The following COL5A2 variants were observed in gnomAD, a reference collection of about 807,000 sequenced individuals.
The protein encoded by COL5A2 is collagen alpha-2(V) chain.
In COL5A2, 23 loss-of-function variants were observed where a neutral mutation model predicts 208.2. That is an observed-to-expected ratio of 0.11 (90% CI 0.08 to 0.16). The LOEUF is 0.16. COL5A2 is among the 10% of genes least tolerant of loss of function. COL5A2 has a pLI of 1.00. For synonymous variants in COL5A2, 625 were observed against 628.5 expected (o/e 0.99, Z 0.08); for missense variants, 1,590 against 1,956.4 (o/e 0.81, Z 3.53).
rs776264833 is a variant in COL5A2, at chr2:189,033,859, A to T, written c.*211T>A. 32 of 645,026 alleles carry T rather than the reference A, an allele frequency of 5.0e-5. No individual in the cohort carries two copies. Among genetic ancestry groups the T allele is most frequent in the Non-Finnish European group, 8.0e-5 (30 of 377,240 alleles). 40.0% of individuals were successfully genotyped at this position (645,026 alleles called of 1,614,324 possible). On this transcript the variant is annotated 3_prime_UTR_variant, in exon 54 of 54. Coordinates refer to ENST00000374866, the MANE Select transcript of COL5A2 (RefSeq NM_000393.5). The stretch of plus-strand genomic sequence containing the variant: ...TAAACCTAAACTGTTGTATTGAAAA[A>T]TATTTAAAATCAATTAAAACTTGAG...
intron 1 of COL5A2, among the ~76,000 whole-genome samples, chr2:189,153,167 T>C (rs140859058): frequency 7.1e-4 from 108 of 152,280 alleles, no homozygotes; most frequent in African/African-American, 2.5e-3. Flanking sequence ...TCTGCCAACA[T>C]TACATGCAAT....
rs756550702 is a variant in COL5A2, at chr2:189,034,168, T to C, written c.4402A>G (p.Asn1468Asp). The change falls in exon 54 of 54, where the codon AAT becomes GAT. Residue 1468 changes from asparagine (N) to aspartate (D), a missense_variant. By Grantham distance (23) the Asn-to-Asp change is conservative (BLOSUM62 1). Coordinates refer to ENST00000374866, the MANE Select transcript of COL5A2 (RefSeq NM_000393.5). ...TCTATGATGGGCAAGCGTGCCACAT[T>C]CTGTGTTCTATATTCAAAGACAGTC... ...GKTVFEYRTQNVARLPIIDLA... is the reference protein window; with the variant it reads ...GKTVFEYRTQDVARLPIIDLA... 11 of 1,613,906 alleles carry C rather than the reference T, an allele frequency of 6.8e-6. No homozygotes were observed. The African/African-American group carries it at 1.5e-4, about 22-fold the overall frequency.
At chr2:189,410,025 C>A in the COL5A2 span, among the ~76,000 whole-genome samples, 2 of 152,100 alleles carry the variant, frequency 1.3e-5, no homozygotes, top group South Asian at 4.1e-4. Flanking sequence ...ACATGAAATA[C>A]TTCGAGTCAC....
intron 1 of COL5A2, among the ~76,000 whole-genome samples, chr2:189,125,644 T>C (rs1687593131): frequency 6.6e-6 from 1 of 152,142 alleles, no homozygotes; most frequent in African/African-American, 2.4e-5. Flanking sequence ...ACATCTTCCT[T>C]TTTCTAGCTT....
chr2:189,168,962 A>T (rs1688522436), intron 1 of COL5A2, among the ~76,000 whole-genome samples: 1 of 152,194 alleles, frequency 6.6e-6, no homozygotes, highest in Non-Finnish European at 1.5e-5. Context: ...TTCTGGAGTC[A>T]ATTTCATAAA....
upstream of COL5A2, among the ~76,000 whole-genome samples, chr2:189,226,242 T>C (rs761138404): frequency 7.2e-5 from 11 of 152,116 alleles, no homozygotes; most frequent in Non-Finnish European, 1.3e-4. Flanking sequence ...CAAAAGCATA[T>C]GTAAATAGCA....
At chr2:189,309,954 G>T in the COL5A2 span, among the ~76,000 whole-genome samples, 1 of 152,164 alleles carries the variant, frequency 6.6e-6, no homozygotes, top group African/African-American at 2.4e-5. Context: ...TTGATGCAAG[G>T]TGACTGGAAA....
chr2:189,104,724 C>T (rs1329050841), intron 2 of COL5A2, among the ~76,000 whole-genome samples: 1 of 151,684 alleles, frequency 6.6e-6, no homozygotes, highest in African/African-American at 2.4e-5. Context: ...CCACTTTACC[C>T]CCACCCCCAC....
chr2:189,062,869 G>A lies in COL5A2; in HGVS notation c.1973C>T (p.Pro658Leu), dbSNP rs746458284. The A allele has an allele frequency of 6.2e-6, 10 of 1,613,840 alleles. No homozygotes were observed. The South Asian group carries it at 7.7e-5, about 12-fold the overall frequency. Residue 658 changes from proline to leucine, a missense_variant, in exon 29 of 54, where the codon CCG (proline) becomes CTG (leucine). Pro to Leu is a moderately conservative substitution (Grantham distance 98). Coordinates refer to ENST00000374866, the MANE Select transcript of COL5A2 (RefSeq NM_000393.5). ...ACACACACAAAAATCACATACCGGCGGGCCCACAGGACCAGAAGGACCAAC... is the reference window on the plus strand; with the variant it reads ...ACACACACAAAAATCACATACCGGCAGGCCCACAGGACCAGAAGGACCAAC... ...GEVGPSGPVG[P>L]PGLAGERGEQ...
In COL5A2 at chr2:189,033,262, A is replaced by T. The variant is rs758082070; in HGVS notation, c.*808T>A. The T allele has an allele frequency of 1.4e-3, 218 of 152,718 alleles. No homozygotes were observed. The highest frequency in any genetic ancestry group is 2.4e-3 in the Non-Finnish European group (161 of 67,998). The allele number at this position is 152,718 out of a possible 1,614,324, so 9.5% of individuals were successfully genotyped here. A position where few individuals can be genotyped will look rare whatever the true frequency, so the allele number is the denominator to read the frequency against. ...TGCATTCAATATCTTCTTAAATAAG[A>T]AAGTGTAAATGTATTAAATGGTATA... On this transcript the variant is annotated 3_prime_UTR_variant, in exon 54 of 54. Transcript: ENST00000374866.
At chr2:189,245,648 C>T in the COL5A2 span, among the ~76,000 whole-genome samples, 2 of 151,964 alleles carry the variant, frequency 1.3e-5, no homozygotes, top group African/African-American at 4.8e-5. Flanking sequence ...CCGTGCCTGG[C>T]TAATTTTTTT....
the COL5A2 span, among the ~76,000 whole-genome samples, chr2:189,382,615 C>A: frequency 5.3e-5 from 8 of 152,252 alleles, no homozygotes; most frequent in Non-Finnish European, 1.0e-4. Context: ...ATATAAGAGA[C>A]CACCTGAGCA....
chr2:189,362,555 C>T, the COL5A2 span, among the ~76,000 whole-genome samples: 1 of 152,044 alleles, frequency 6.6e-6, no homozygotes, highest in Non-Finnish European at 1.5e-5. Context: ...CAAAATGTTC[C>T]AATTGCACCC....
chr2:189,042,820 G>A, intron 48 of COL5A2, 47 bp from the exon 49 acceptor site: 1 of 1,541,314 alleles, frequency 6.5e-7, no homozygotes, highest in Non-Finnish European at 8.9e-7. Context: ...TTTGGATCCT[G>A]CATTGTGCCA....
chr2:189,204,351 T>C (rs1689117928), intron 1 of COL5A2, among the ~76,000 whole-genome samples: 1 of 152,240 alleles, frequency 6.6e-6, no homozygotes, highest in Non-Finnish European at 1.5e-5. Context: ...CCAAAGATGT[T>C]TGCTAATTGA....
At chr2:189,235,997 C>G in the COL5A2 span, among the ~76,000 whole-genome samples, 1 of 150,224 alleles carries the variant, frequency 6.7e-6, no homozygotes, top group Non-Finnish European at 1.5e-5. Context: ...TTGTCCATCC[C>G]CCAATAAAAA....
chr2:189,416,732 A>C, the COL5A2 span, among the ~76,000 whole-genome samples: 1 of 152,188 alleles, frequency 6.6e-6, no homozygotes, highest in African/African-American at 2.4e-5. Flanking sequence ...TTTTTTAAAA[A>C]AATCCTTTTA....
the COL5A2 span, among the ~76,000 whole-genome samples, chr2:189,299,373 C>T: frequency 6.6e-6 from 1 of 152,118 alleles, no homozygotes; most frequent in Admixed American, 6.6e-5. Flanking sequence ...GTCATATAGA[C>T]ATATCATCAG....
upstream of COL5A2, among the ~76,000 whole-genome samples, chr2:189,225,426 G>A (rs576731663): frequency 1.3e-5 from 2 of 152,222 alleles, no homozygotes; most frequent in South Asian, 4.1e-4. Flanking sequence ...CTTCAATATA[G>A]TGTTTAGTAT....
Sources: allele counts gnomAD v4.1 joint callset (sites outside exome capture counted in the v4.1 genomes callset), GRCh38; gene constraint gnomAD v4.1.1; transcripts MANE v1.5; gene names NCBI Gene and HGNC (gene_info 2026-07-23, HGNC 2026-07-21).